The following WDR27 variants were observed in gnomAD, a reference collection of about 807,000 sequenced individuals.
WDR27 encodes the protein WD repeat-containing protein 27.
WDR27 carries 100 observed loss-of-function variants against 114.4 expected under a neutral mutation model. The observed-to-expected ratio is 0.87, with a 90% confidence interval of 0.74 to 1.03. WDR27 has a LOEUF of 1.03. WDR27 is among the 50% of genes least tolerant of loss of function. The pLI is 0.00. For synonymous variants in WDR27, 449 were observed against 423.1 expected (o/e 1.06, Z -0.75); for missense variants, 1,129 against 1,092.9 (o/e 1.03, Z -0.47).
At chr6:169,686,831 A>C (rs952542087) in intron 2 of WDR27, among the ~76,000 whole-genome samples, 2 of 152,188 alleles carry the variant, frequency 1.3e-5, no homozygotes, top group Non-Finnish European at 2.9e-5. Context: ...AAATCCTGTC[A>C]TTTGCAGCAA....
At chr6:169,654,735 G>GAGGCGCGCACAGA (rs1823584871) in intron 13 of WDR27, among the ~76,000 whole-genome samples, 2 of 150,470 alleles carry the variant, frequency 1.3e-5, no homozygotes, top group Admixed American at 1.3e-4. Flanking sequence ...GCGCGCACAG[G>GAGGCGCGCACAGA]AGGAGGCGCG....
intron 1 of WDR27, among the ~76,000 whole-genome samples, chr6:169,697,266 A>G (rs1033081579): frequency 2.0e-5 from 3 of 152,174 alleles, no homozygotes; most frequent in Non-Finnish European, 2.9e-5. Context: ...CCAGAAGACC[A>G]GAGTGCGAGC....
intron 24 of WDR27, among the ~76,000 whole-genome samples, chr6:169,574,622 T>C (rs1403112383): frequency 6.6e-6 from 1 of 152,152 alleles, no homozygotes; most frequent in African/African-American, 2.4e-5. Flanking sequence ...GTGCCAGATC[T>C]TTCACGAAGT....
At chr6:169,580,599 T>A (rs1803203729) in intron 24 of WDR27, among the ~76,000 whole-genome samples, 2 of 152,242 alleles carry the variant, frequency 1.3e-5, no homozygotes, top group African/African-American at 4.8e-5. Flanking sequence ...TGCCTGTGGT[T>A]ATTTCCAAAT....
At chr6:169,427,809 C>CAA in the WDR27 span, among the ~76,000 whole-genome samples, 1,141 of 126,508 alleles carry the variant, frequency 9.0e-3, 7 homozygotes, top group Middle Eastern at 0.013. Flanking sequence ...AAACAACAAC[C>CAA]AAAAAAAAAA....
Position 169,699,619 on chromosome 6 carries a change from C to T in WDR27, c.-8+1932G>A, listed in dbSNP as rs73240799. ...CCAGGAGTGAGCTATGGCAGCCTTC[C>T]AAGACAGCATCCTCATAGCCACATC... On this transcript the variant is annotated intron_variant, in intron 1 of 25. Coordinates refer to ENST00000448612, the MANE Select transcript of WDR27 (RefSeq NM_182552.5). Among the ~76,000 whole-genome samples the T allele has an allele frequency of 5.1e-3, 781 of 152,256 alleles. 3 individuals are homozygous for T. The highest frequency in any genetic ancestry group is 0.018 in the African/African-American group (732 of 41,564).
intron 25 of WDR27, among the ~76,000 whole-genome samples, chr6:169,503,135 G>C (rs1292221861): frequency 1.3e-5 from 2 of 152,158 alleles, no homozygotes; most frequent in Non-Finnish European, 2.9e-5. Context: ...GCAGAGTGAC[G>C]AGAAAGAGGC....
At chr6:169,454,753 G>A (rs947889083), downstream of WDR27, among the ~76,000 whole-genome samples, 13 of 152,170 alleles carry the variant, frequency 8.5e-5, no homozygotes, top group African/African-American at 2.9e-4. Context: ...ATCTTATCAC[G>A]CAAGCACCAG....
At chr6:169,510,746 C>T (rs944146125) in intron 25 of WDR27, among the ~76,000 whole-genome samples, 30 of 151,738 alleles carry the variant, frequency 2.0e-4, no homozygotes, top group African/African-American at 5.6e-4. Flanking sequence ...CAAACCTGCA[C>T]GTTGTGCACA....
intron 25 of WDR27, among the ~76,000 whole-genome samples, chr6:169,537,315 G>A (rs906428625): frequency 3.3e-5 from 5 of 152,170 alleles, no homozygotes; most frequent in Non-Finnish European, 7.3e-5. Context: ...GTGCTGTGAT[G>A]AACATAGAAT....
At chr6:169,650,874 C>G (rs1331196785) in intron 14 of WDR27, among the ~76,000 whole-genome samples, 2 of 152,132 alleles carry the variant, frequency 1.3e-5, no homozygotes, top group African/African-American at 2.4e-5. Flanking sequence ...TCCATCCATC[C>G]CTCCAAAAGT....
intron 25 of WDR27, among the ~76,000 whole-genome samples, chr6:169,546,804 T>C (rs1326398154): frequency 6.6e-6 from 1 of 152,156 alleles, no homozygotes; most frequent in Non-Finnish European, 1.5e-5. Flanking sequence ...CAACAATAAC[T>C]GTACTAGGGG....
At chr6:169,588,272 G>A (rs1373046587) in intron 23 of WDR27, among the ~76,000 whole-genome samples, 1 of 152,276 alleles carries the variant, frequency 6.6e-6, no homozygotes, top group African/African-American at 2.4e-5. Flanking sequence ...CAGCATTTCT[G>A]CATTTGTTTA....
chr6:169,642,776 G>A (rs1584832360), intron 17 of WDR27, among the ~76,000 whole-genome samples: 1 of 152,214 alleles, frequency 6.6e-6, no homozygotes, highest in Admixed American at 6.5e-5. Context: ...GCTTCCCACT[G>A]TCTCTGTCCC....
rs573109755 is a variant in WDR27 at position 169,459,960 on chromosome 6, G to A, written c.2646-2326C>T. Among the ~76,000 whole-genome samples, 8 of 152,168 alleles carry A rather than the reference G, an allele frequency of 5.3e-5. No homozygotes were observed. The East Asian group carries it at 7.7e-4, about 15-fold the overall frequency. ...GACCTGCCCTGCCAGAAATGTGTAC[G>A]GGAGCCCCACAAGGTGAAATAAAAG... On this transcript the variant is annotated intron_variant, in intron 25 of 25. Coordinates refer to ENST00000448612, the MANE Select transcript of WDR27 (RefSeq NM_182552.5).
At chr6:169,616,128 A>G (rs1811778755) in intron 21 of WDR27, among the ~76,000 whole-genome samples, 2 of 152,202 alleles carry the variant, frequency 1.3e-5, no homozygotes, top group Admixed American at 1.3e-4. Context: ...TGAAAATATA[A>G]GAAGACTGAA....
intron 21 of WDR27, among the ~76,000 whole-genome samples, chr6:169,619,246 T>TA (rs1314191004): frequency 3.9e-5 from 6 of 152,198 alleles, no homozygotes; most frequent in Admixed American, 1.3e-4. Flanking sequence ...ATTGGGAAAT[T>TA]AGACGGTCAC....
At chr6:169,429,430 C>CTTTTT in the WDR27 span, among the ~76,000 whole-genome samples, 2 of 142,240 alleles carry the variant, frequency 1.4e-5, no homozygotes, top group Non-Finnish European at 3.0e-5. Flanking sequence ...AGACTGAGTC[C>CTTTTT]TTTTTTTTTT....
intron 25 of WDR27, among the ~76,000 whole-genome samples, chr6:169,563,366 C>T (rs1584241600): frequency 1.3e-5 from 2 of 152,240 alleles, no homozygotes; most frequent in African/African-American, 4.8e-5. Context: ...GCCCACAACC[C>T]CAACAGGGTC....
Sources: allele counts gnomAD v4.1 joint callset (sites outside exome capture counted in the v4.1 genomes callset), GRCh38; gene constraint gnomAD v4.1.1; transcripts MANE v1.5; gene names NCBI Gene and HGNC (gene_info 2026-07-23, HGNC 2026-07-21).